MTHFD2L: variants seen among roughly 807,000 people sequenced by gnomAD.
MTHFD2L encodes methylenetetrahydrofolate dehydrogenase (NADP+ dependent) 2 like.
A neutral mutation model predicts 34.9 loss-of-function variants in MTHFD2L; 29 were observed. The ratio of observed to expected loss-of-function variants is 0.83; its 90% CI spans 0.62 to 1.13. The LOEUF is 1.13. Among genes scored for constraint, MTHFD2L ranks in the 50% most tolerant of loss-of-function variants. The pLI, the probability that MTHFD2L is intolerant of heterozygous loss-of-function variation, is 0.00. For missense variants in MTHFD2L, 481 were observed against 446.5 expected (o/e 1.08, Z -0.70); for synonymous variants, 167 against 155.7 (o/e 1.07, Z -0.54).
At chr4:74,224,519 G>A (rs1353439169) in intron 5 of MTHFD2L, among the ~76,000 whole-genome samples, 1 of 152,092 alleles carries the variant, frequency 6.6e-6, no homozygotes, top group Non-Finnish European at 1.5e-5. Flanking sequence ...AAGACAAGAT[G>A]CAGTCTTAGC....
intron 4 of MTHFD2L, 29 bp downstream of exon 4, chr4:74,199,975 G>A: frequency 6.2e-7 from 1 of 1,612,228 alleles, no homozygotes; most frequent in South Asian, 1.1e-5. Flanking sequence ...GCAGGACATG[G>A]ATGCTAGGTG....
chr4:74,150,350 T>C (rs978383935), intron 1 of MTHFD2L, among the ~76,000 whole-genome samples: 2 of 152,188 alleles, frequency 1.3e-5, no homozygotes, highest in African/African-American at 4.8e-5. Flanking sequence ...ACTTCCCAGG[T>C]TCAAGCGATT....
In MTHFD2L at chr4:74,302,354, C is replaced by G. The variant is rs1750422031; in HGVS notation, c.*545C>G. On this transcript the variant is annotated 3_prime_UTR_variant, in exon 8 of 8. Coordinates refer to ENST00000325278, the MANE Select transcript of MTHFD2L (RefSeq NM_001144978.3). ...ATCTCAACTATCCCCCAAATGCATC[C>G]TATAAGTCCATCCTAATGAGAAATG... 1 of 151,862 alleles carries G rather than the reference C, an allele frequency of 6.6e-6. No individual in the cohort carries two copies. The highest frequency in any genetic ancestry group is 1.5e-5 in the Non-Finnish European group (1 of 67,932). The allele number at this position is 151,862 out of a possible 1,614,324, so 9.4% of individuals were successfully genotyped here. A position where few individuals can be genotyped will look rare whatever the true frequency, so the allele number is the denominator to read the frequency against.
intron 5 of MTHFD2L, chr4:74,223,994 A>G (rs1438315607): frequency 6.6e-6 from 1 of 152,022 alleles, no homozygotes; most frequent in Admixed American, 6.6e-5. Context: ...TGTCACATCC[A>G]TTTTTATTAC....
At chr4:74,283,305 A>G (rs764586227) in intron 7 of MTHFD2L, among the ~76,000 whole-genome samples, 3 of 152,150 alleles carry the variant, frequency 2.0e-5, no homozygotes, top group African/African-American at 2.4e-5. Flanking sequence ...CTGAAAGTAA[A>G]AAGTATTCTG....
At chr4:74,142,408 G>A (rs1370286058) in intron 1 of MTHFD2L, among the ~76,000 whole-genome samples, 1 of 152,116 alleles carries the variant, frequency 6.6e-6, no homozygotes, top group Non-Finnish European at 1.5e-5. Context: ...ACAGACCAGT[G>A]GGCTAGCTTG....
chr4:74,202,662 T>C (rs1226935415), intron 5 of MTHFD2L, among the ~76,000 whole-genome samples: 1 of 152,224 alleles, frequency 6.6e-6, no homozygotes, highest in East Asian at 1.9e-4. Flanking sequence ...ATGTTCTTAA[T>C]AGAAGTAGTT....
In MTHFD2L at chr4:74,267,615, T is replaced by G. The variant is rs140371559; in HGVS notation, c.806-13810T>G. 3.4e-3 allele frequency: 1,565 copies of G among 466,160 alleles called. 26 individuals carry two copies. The highest frequency in any genetic ancestry group is 0.031 in the African/African-American group (1,462 of 47,690). 28.9% of individuals were successfully genotyped at this position (466,160 alleles called of 1,614,324 possible). ...GTTTGCTTGTTTGTTTGTTGCTGTT[T>G]GTAGTGACAAGGTTTCCCTATGTTG... On this transcript the variant is annotated intron_variant, in intron 6 of 7. Transcript: ENST00000325278.
At chr4:74,170,520 C>A (rs1240216831) in intron 1 of MTHFD2L, among the ~76,000 whole-genome samples, 3 of 152,078 alleles carry the variant, frequency 2.0e-5, no homozygotes, top group Non-Finnish European at 2.9e-5. Context: ...ACCTTTGTGA[C>A]CTTGAATTAG....
At chr4:74,210,288 G>A (rs200794984) in intron 5 of MTHFD2L, among the ~76,000 whole-genome samples, 369 of 152,226 alleles carry the variant, frequency 2.4e-3, no homozygotes, top group Middle Eastern at 0.014. Flanking sequence ...AAATGGTATT[G>A]CCTAGGTTTT....
intron 1 of MTHFD2L, among the ~76,000 whole-genome samples, chr4:74,171,376 A>T (rs1334856463): frequency 6.6e-6 from 1 of 152,226 alleles, no homozygotes; most frequent in Non-Finnish European, 1.5e-5. Flanking sequence ...GAGCAACCAG[A>T]ACTCATATAG....
intron 5 of MTHFD2L, among the ~76,000 whole-genome samples, chr4:74,215,971 A>C (rs2110096114): frequency 6.6e-6 from 1 of 151,852 alleles, no homozygotes; most frequent in South Asian, 2.1e-4. Context: ...TTAGCAGGAA[A>C]AAAAAAAATG....
chr4:74,186,438 G>GGA (rs374452148), intron 3 of MTHFD2L, among the ~76,000 whole-genome samples: 13 of 88,198 alleles, frequency 1.5e-4, no homozygotes, highest in South Asian at 9.3e-4. Flanking sequence ...GGGAATCCAT[G>GGA]AAAAAAAAAA....
intron 7 of MTHFD2L, among the ~76,000 whole-genome samples, chr4:74,296,059 G>A (rs980893368): frequency 2.0e-5 from 3 of 152,088 alleles, no homozygotes; most frequent in Non-Finnish European, 1.5e-5. Flanking sequence ...AGCTCCATGA[G>A]GCAGTATCTA....
In MTHFD2L at chr4:74,301,515, G is replaced by A. The variant is rs190535739; in HGVS notation, c.932-182G>A. ...TTAGATATCATCCACAGAAGTATTC[G>A]TCTAAGTGAGTGTGAGCGTGTGTGT... On this transcript the variant is annotated intron_variant, in intron 7 of 7. Coordinates refer to ENST00000325278, the MANE Select transcript of MTHFD2L (RefSeq NM_001144978.3). 1.9e-4 allele frequency among the ~76,000 whole-genome samples: 28 copies of A among 150,640 alleles called. No homozygotes were observed. The East Asian group carries it at 5.1e-3, about 27-fold the overall frequency.
In MTHFD2L at chr4:74,174,553, A is replaced by G. The variant is rs1728656735; in HGVS notation, c.191A>G (p.Gln64Arg). 8 of 1,599,920 alleles carry G rather than the reference A, an allele frequency of 5.0e-6. No homozygotes were observed. The highest frequency in any genetic ancestry group is 6.8e-6 in the Non-Finnish European group (8 of 1,174,206). ...GGAACCGAAATGGCCAAGCATATCC[A>G]GAAAGAAATACAGCGAGGTGTGGAA... ...ISGTEMAKHI[Q>R]KEIQRGVESW... The change falls in exon 2 of 8, where the codon CAG becomes CGG. Residue 64 changes from glutamine (Q) to arginine (R), a missense_variant. Gln to Arg is a conservative substitution (Grantham distance 43). Transcript: ENST00000325278.
chr4:74,140,632 C>T, intron 1 of MTHFD2L: 6 of 728,170 alleles, frequency 8.2e-6, no homozygotes, highest in Non-Finnish European at 1.0e-5. Flanking sequence ...AAGGACATAC[C>T]AGAGACTGGG....
At chr4:74,203,897 G>GT (rs11335042) in intron 5 of MTHFD2L, among the ~76,000 whole-genome samples, 1 of 146,006 alleles carries the variant, frequency 6.8e-6, no homozygotes, top group African/African-American at 2.5e-5. Flanking sequence ...CCAATTTGCA[G>GT]TTTTTTTTTT....
intron 1 of MTHFD2L, among the ~76,000 whole-genome samples, chr4:74,147,488 G>A (rs1723665314): frequency 6.6e-6 from 1 of 152,180 alleles, no homozygotes; most frequent in Non-Finnish European, 1.5e-5. Flanking sequence ...GCGAGTTACA[G>A]AGCAGAGTTT....
Sources: allele counts gnomAD v4.1 joint callset (sites outside exome capture counted in the v4.1 genomes callset), GRCh38; gene constraint gnomAD v4.1.1; transcripts MANE v1.5; gene names NCBI Gene and HGNC (gene_info 2026-07-23, HGNC 2026-07-21).